PDE4C: variants seen among roughly 807,000 people sequenced by gnomAD.
PDE4C encodes 3',5'-cyclic-AMP phosphodiesterase 4C.
A neutral mutation model predicts 63.9 loss-of-function variants in PDE4C; 50 were observed. That is an observed-to-expected ratio of 0.78 (90% CI 0.62 to 0.99). The LOEUF (loss-of-function observed/expected upper bound fraction) is 0.99. Ranked by LOEUF, PDE4C falls within the 50% of genes least tolerant of loss-of-function variation. The pLI is 0.00. For missense variants in PDE4C, 777 were observed against 899.1 expected (o/e 0.86, Z 1.74); for synonymous variants, 377 against 385.1 (o/e 0.98, Z 0.25).
chr19:18,219,263 G>T, exon 8 of PDE4C: 2 of 1,614,178 alleles, frequency 1.2e-6, no homozygotes, highest in Non-Finnish European at 1.7e-6. Context: ...TGGTCAGTCT[G>T]GACCCCAAAG....
At chr19:18,239,099 C>T (rs1006294427) in intron 1 of PDE4C, among the ~76,000 whole-genome samples, 3 of 152,110 alleles carry the variant, frequency 2.0e-5, no homozygotes, top group Non-Finnish European at 2.9e-5. Flanking sequence ...GTATAAATGC[C>T]GTTCCAATAG....
rs1968386418 is a variant in PDE4C at position 18,220,005 on chromosome 19, C to T, written c.706+221G>A. ...TAGTGTCTGGTTCCCTCCATCTCCT[C>T]CTAGGCAAATTTCTACTCATGCTTC... On this transcript the variant is annotated intron_variant, in intron 7 of 14. Transcript: ENST00000262805. The surrounding 1 kb of genome is among the most constrained non-coding windows in gnomAD (Gnocchi z 5.1). Among the ~76,000 whole-genome samples, 1 of 152,052 alleles carries T rather than the reference C, an allele frequency of 6.6e-6. No homozygotes were observed. The highest frequency in any genetic ancestry group is 1.5e-5 in the Non-Finnish European group (1 of 68,016).
rs1968391362 is a variant in PDE4C, at chr19:18,220,131, G to T, written c.706+95C>A. The T allele has an allele frequency of 3.0e-6, 3 of 987,646 alleles. No individual in the cohort carries two copies. The highest frequency in any genetic ancestry group is 4.8e-6 in the Non-Finnish European group (3 of 624,160). The allele number at this position is 987,646 out of a possible 1,614,324, so 61.2% of individuals were successfully genotyped here. On this transcript the variant is annotated intron_variant, in intron 7 of 14. Coordinates refer to ENST00000262805, the Ensembl canonical transcript of PDE4C. The surrounding 1 kb of genome is among the most constrained non-coding windows in gnomAD (Gnocchi z 5.1). Reference sequence around the variant, plus strand: ...GGGCTGAAGGTGTCTGTGTCTGGCTGTATCTCCCCCAGACTGAGGTCTATC... The same window carrying T: ...GGGCTGAAGGTGTCTGTGTCTGGCTTTATCTCCCCCAGACTGAGGTCTATC...
chr19:18,214,106 AAGTT>A (rs1210301645), intron 12 of PDE4C, among the ~76,000 whole-genome samples: 1 of 151,896 alleles, frequency 6.6e-6, no homozygotes, highest in Admixed American at 6.6e-5. Context: ...AAAATACAAA[AAGTT>A]AGCCTGGCAT....
At chr19:18,251,926 T>C (rs1353180624), upstream of PDE4C, 4 of 396,688 alleles carry the variant, frequency 1.0e-5, no homozygotes, top group Non-Finnish European at 1.8e-5. Flanking sequence ...CATGAAGAGC[T>C]TTAGACAATG....
chr19:18,220,568 A>G lies in PDE4C; in HGVS notation c.500-53T>C. 1 of 1,481,890 alleles carries G rather than the reference A, an allele frequency of 6.7e-7. No individual in the cohort carries two copies. The highest frequency in any genetic ancestry group is 9.3e-7 in the Non-Finnish European group (1 of 1,071,586). 91.8% of individuals were successfully genotyped at this position (1,481,890 alleles called of 1,614,324 possible). On this transcript the variant is annotated intron_variant, in intron 5 of 14. Coordinates refer to ENST00000262805, the Ensembl canonical transcript of PDE4C. This position sits in a 1 kb window ranked among gnomAD's most constrained non-coding sequence, Gnocchi z 5.1. ...CCCAACCCCCCCGCTCAGGGACCCC[A>G]CGCCTCTCGCGACTTCGTCTCTTCA...
At chr19:18,229,102 A>ATTTTTTTTTTTTTTTTTTTT (rs56379821), upstream of PDE4C, among the ~76,000 whole-genome samples, 2 of 124,552 alleles carry the variant, frequency 1.6e-5, no homozygotes, top group Non-Finnish European at 1.6e-5. Context: ...TGCCAAGCTA[A>ATTTTTTTTTTTTTTTTTTTT]TTTTTTTTTT....
At chr19:18,223,530 G>A (rs933719648) in intron 1 of PDE4C, among the ~76,000 whole-genome samples, 1 of 152,006 alleles carries the variant, frequency 6.6e-6, no homozygotes, top group African/African-American at 2.4e-5. Context: ...ATTTTTACTA[G>A]AGACAGGGTT....
upstream of PDE4C, among the ~76,000 whole-genome samples, chr19:18,234,906 C>G (rs963076508): frequency 7.9e-5 from 12 of 152,178 alleles, no homozygotes; most frequent in African/African-American, 9.7e-5. Context: ...TCTCCACCCC[C>G]CCACCACTCC....
chr19:18,239,999 C>G (rs1353153787), intron 1 of PDE4C, among the ~76,000 whole-genome samples: 2 of 151,942 alleles, frequency 1.3e-5, no homozygotes, highest in Non-Finnish European at 2.9e-5. Context: ...ATCTGGGCAA[C>G]AGCACTCAGG....
At position 18,220,847 on chromosome 19, in the gene PDE4C, G is replaced by C. The variant is rs1350210084; in HGVS notation, c.499+27C>G. Reference sequence around the variant, plus strand: ...AAGGAAGCTCCCAGCTGTCCTCAGCGGGGGAGGGAAGGAACAGGTACTTTA... The same window carrying C: ...AAGGAAGCTCCCAGCTGTCCTCAGCCGGGGAGGGAAGGAACAGGTACTTTA... On this transcript the variant is annotated intron_variant, in intron 5 of 14. Coordinates refer to ENST00000262805, the Ensembl canonical transcript of PDE4C. This position sits in a 1 kb window ranked among gnomAD's most constrained non-coding sequence, Gnocchi z 5.1. 7 of 1,598,850 alleles carry C rather than the reference G, an allele frequency of 4.4e-6. No homozygotes were observed. The highest frequency in any genetic ancestry group is 2.3e-5 in the South Asian group (2 of 88,478).
chr19:18,211,964 G>A, intron 13 of PDE4C, 23 bp from the exon 14 acceptor site: 1 of 1,607,230 alleles, frequency 6.2e-7, no homozygotes, highest in Non-Finnish European at 8.5e-7. Context: ...AGGCTTGGGA[G>A]GGCACTGGCG....
chr19:18,221,053 C>CCAGGCCCCGCCCCACCCCGT, intron 4 of PDE4C, 52 bp downstream of exon 4: 1 of 1,259,448 alleles, frequency 7.9e-7, no homozygotes, highest in Non-Finnish European at 1.1e-6. Flanking sequence ...CCGCTTTCCG[C>CCAGGCCCCGCCCCACCCCGT]CCACCTTGTC....
intron 1 of PDE4C, among the ~76,000 whole-genome samples, chr19:18,222,655 C>T (rs1161421105): frequency 2.3e-4 from 12 of 52,546 alleles, no homozygotes; most frequent in Admixed American, 4.1e-4. Flanking sequence ...CTTTCTCGTT[C>T]TTTCTCTCTC....
chr19:18,252,120 C>T (rs1277638057), upstream of PDE4C: 3 of 398,906 alleles, frequency 7.5e-6, no homozygotes, highest in Non-Finnish European at 1.3e-5. Context: ...CGTTCCGGGG[C>T]TGTGGGAAGT....
intron 1 of PDE4C, among the ~76,000 whole-genome samples, chr19:18,223,470 A>G (rs1968582228): frequency 6.6e-6 from 1 of 152,172 alleles, no homozygotes; most frequent in African/African-American, 2.4e-5. Flanking sequence ...TTGGCCTCCC[A>G]AAGTGCTGGG....
chr19:18,210,781 G>A, exon 15 of PDE4C: 1 of 1,369,408 alleles, frequency 7.3e-7, no homozygotes, highest in Non-Finnish European at 9.6e-7. Context: ...GACCCTGGGA[G>A]CCACCTATAA....
Position 18,219,215 on chromosome 19 carries a change from A to ATTGTGGTTGGGGACCCACCTTGGCCAG in PDE4C, c.862_870+18dup, listed in dbSNP as rs1968351637. The ATTGTGGTTGGGGACCCACCTTGGCCAG allele has an allele frequency of 6.2e-7, 1 of 1,613,896 alleles. No individual in the cohort carries two copies. On this transcript the variant is annotated intron_variant, in intron 8 of 14. Coordinates refer to ENST00000262805, the Ensembl canonical transcript of PDE4C. ...CCAGGGACCAAACCTTGATCTTGGCATTGTGGTTGGGGACCCACCTTGGCC... is the reference window on the plus strand; with the variant it reads ...CCAGGGACCAAACCTTGATCTTGGCATTGTGGTTGGGGACCCACCTTGGCCAGTTGTGGTTGGGGACCCACCTTGGCC...
chr19:18,225,170 C>T (rs1315481414), intron 1 of PDE4C, among the ~76,000 whole-genome samples: 4 of 152,110 alleles, frequency 2.6e-5, no homozygotes, highest in Non-Finnish European at 4.4e-5. Flanking sequence ...GGGGTAGAGC[C>T]CCCCGGCTGT....
Sources: allele counts gnomAD v4.1 joint callset (sites outside exome capture counted in the v4.1 genomes callset), GRCh38; gene constraint gnomAD v4.1.1; non-coding constraint Gnocchi (gnomAD v3.1); transcripts MANE v1.5; gene names NCBI Gene and HGNC (gene_info 2026-07-23, HGNC 2026-07-21).